Variants in ARPC2 observed in about 807,000 individuals in gnomAD.
The protein encoded by ARPC2 is actin-related protein 2/3 complex subunit 2.
Under a neutral mutation model 38.6 loss-of-function variants are expected in ARPC2, and 4 were observed. That is an observed-to-expected ratio of 0.10 (90% CI 0.05 to 0.24). The LOEUF (loss-of-function observed/expected upper bound fraction) is 0.24. ARPC2 is among the 10% of genes least tolerant of loss of function. The pLI, the probability that ARPC2 is intolerant of heterozygous loss-of-function variation, is 1.00. For missense variants in ARPC2, 229 were observed against 387.3 expected, an observed-to-expected ratio of 0.59 and a Z score of 3.43; for synonymous variants, 125 against 140.8, an observed-to-expected ratio of 0.89 and a Z score of 0.79.
chr2:218,233,606 C>CT (rs1321331513), intron 4 of ARPC2: 1 of 151,452 alleles, frequency 6.6e-6, no homozygotes, highest in African/African-American at 2.4e-5. Flanking sequence ...TAAGAGCTGG[C>CT]TATGCACTGA....
intron 5 of ARPC2, chr2:218,235,629 G>GA (rs1432550446): frequency 1.3e-5 from 2 of 152,026 alleles, no homozygotes; most frequent in African/African-American, 4.8e-5. Flanking sequence ...ATCTAGAACA[G>GA]AAAAATCATG....
chr2:218,231,240 GGGGTACAAACTGAA>G (rs1270858853), intron 4 of ARPC2, among the ~76,000 whole-genome samples: 4 of 152,038 alleles, frequency 2.6e-5, no homozygotes, highest in African/African-American at 7.2e-5. Context: ...ATTGGGAGAG[GGGGTACAAACTGAA>G]AAGTGAATCA....
intron 7 of ARPC2, among the ~76,000 whole-genome samples, chr2:218,244,162 C>T (rs1239378750): frequency 6.6e-6 from 1 of 152,102 alleles, no homozygotes; most frequent in Non-Finnish European, 1.5e-5. Context: ...ATTTTTCCTT[C>T]GGGGAACAAA....
intron 5 of ARPC2, chr2:218,235,084 A>G (rs115209346): frequency 0.014 from 4,009 of 276,590 alleles, 46 homozygotes; most frequent in Middle Eastern, 0.031. Flanking sequence ...TTACTCAACT[A>G]TTACAACTTT....
rs764219103 is a variant in ARPC2 at position 218,228,748 on chromosome 2, G to A, written c.120G>A (p.Gly40=). 53 of 1,589,278 alleles carry A rather than the reference G, an allele frequency of 3.3e-5. No individual in the cohort carries two copies. Among genetic ancestry groups the A allele is most frequent in the Non-Finnish European group, 4.0e-5 (46 of 1,158,186 alleles). Residue 40 remains glycine (G), a synonymous_variant, in exon 4 of 11, where the codon GGG becomes GGA. Transcript: ENST00000315717. ...TTGCTTTCCTCACAGATTTCGATGG[G>A]GTCCTCTATCATATTTCAAATCCTA... ...AVEVTFADFD[G]VLYHISNPNG...
At position 218,253,984 on chromosome 2, in the gene ARPC2, C is replaced by T; in HGVS notation, c.*69C>T. ...AACACTTGCTACTGGATAATCGTAG[C>T]TTTTAATGTTGCGCCTCTTCAGGTT... On this transcript the variant is annotated 3_prime_UTR_variant, in exon 11 of 11. Transcript: ENST00000315717. 1 of 1,596,630 alleles carries T rather than the reference C, an allele frequency of 6.3e-7. No individual in the cohort carries two copies. The highest frequency in any genetic ancestry group is 8.6e-7 in the Non-Finnish European group (1 of 1,165,736).
chr2:218,232,849 T>TAA (rs1689672507), intron 4 of ARPC2, among the ~76,000 whole-genome samples: 1 of 152,058 alleles, frequency 6.6e-6, no homozygotes. Flanking sequence ...GTGCTGGGAT[T>TAA]ACAGGCATGA....
intron 7 of ARPC2, among the ~76,000 whole-genome samples, chr2:218,244,272 T>G (rs1449843647): frequency 1.3e-5 from 2 of 152,186 alleles, no homozygotes; most frequent in Admixed American, 1.3e-4. Flanking sequence ...GTGAAATAGG[T>G]GAGGTCCCAG....
At chr2:218,232,392 A>C (rs1689656031) in intron 4 of ARPC2, among the ~76,000 whole-genome samples, 1 of 152,200 alleles carries the variant, frequency 6.6e-6, no homozygotes, top group African/African-American at 2.4e-5. Context: ...AGAATACCAC[A>C]GACTGAATAA....
chr2:218,250,804 C>T (rs564069978), intron 10 of ARPC2, among the ~76,000 whole-genome samples: 1 of 152,204 alleles, frequency 6.6e-6, no homozygotes, highest in African/African-American at 2.4e-5. Flanking sequence ...GAAATTCAGG[C>T]AGTCCTGTCC....
chr2:218,248,248 G>T (rs574949318), intron 8 of ARPC2, among the ~76,000 whole-genome samples: 248 of 152,304 alleles, frequency 1.6e-3, no homozygotes, highest in Middle Eastern at 6.8e-3. Context: ...GTCTTCTGTT[G>T]TGGTGTTCAT....
In ARPC2 at chr2:218,243,202, T is replaced by C. The variant is rs554217683; in HGVS notation, c.550-2218T>C. 2.6e-5 allele frequency among the ~76,000 whole-genome samples: 4 copies of C among 152,340 alleles called. No homozygotes were observed. The East Asian group carries it at 7.7e-4, about 29-fold the overall frequency. On this transcript the variant is annotated intron_variant, in intron 7 of 10. Coordinates refer to ENST00000315717, the MANE Select transcript of ARPC2 (RefSeq NM_152862.3). ...GTGGTCCCAGTGGCAATTATTTCCTTTTTTACACCCCTGATTTAAGATGCT... is the reference window on the plus strand; with the variant it reads ...GTGGTCCCAGTGGCAATTATTTCCTCTTTTACACCCCTGATTTAAGATGCT...
chr2:218,243,415 G>A (rs543628433), intron 7 of ARPC2, among the ~76,000 whole-genome samples: 2 of 152,336 alleles, frequency 1.3e-5, no homozygotes, highest in South Asian at 4.1e-4. Context: ...GGCTGTTTGG[G>A]TGTGTTTGTT....
chr2:218,239,313 G>C (rs1027085835), intron 6 of ARPC2, 78 bp from the exon 7 acceptor site: 3 of 994,008 alleles, frequency 3.0e-6, no homozygotes, highest in Non-Finnish European at 4.8e-6. Context: ...TTAGCCTTCT[G>C]ATGTACTTGT....
At chr2:218,231,710 T>G (rs1347784888) in intron 4 of ARPC2, among the ~76,000 whole-genome samples, 1 of 152,230 alleles carries the variant, frequency 6.6e-6, no homozygotes, top group Non-Finnish European at 1.5e-5. Context: ...ACAGGTGGCA[T>G]TATTTATCTT....
At chr2:218,242,391 T>TTC (rs1689936345) in intron 7 of ARPC2, among the ~76,000 whole-genome samples, 1 of 152,218 alleles carries the variant, frequency 6.6e-6, no homozygotes, top group Non-Finnish European at 1.5e-5. Flanking sequence ...CCAGGAAAAG[T>TTC]TAAGTGGAAA....
At chr2:218,241,199 C>A (rs1170152801) in intron 7 of ARPC2, among the ~76,000 whole-genome samples, 1 of 152,198 alleles carries the variant, frequency 6.6e-6, no homozygotes, top group Non-Finnish European at 1.5e-5. Flanking sequence ...TGAAAGACAG[C>A]TGTGCTTAAC....
At chr2:218,248,990 T>C (rs2106159814) in intron 8 of ARPC2, among the ~76,000 whole-genome samples, 1 of 152,360 alleles carries the variant, frequency 6.6e-6, no homozygotes, top group African/African-American at 2.4e-5. Context: ...TCCTGATTCC[T>C]TAAAGTAAAC....
chr2:218,233,758 G>T (rs1689699901), intron 4 of ARPC2: 1 of 152,082 alleles, frequency 6.6e-6, no homozygotes, highest in South Asian at 2.1e-4. Context: ...TTGGAATTTG[G>T]CATCCTTTTG....
Sources: allele counts gnomAD v4.1 joint callset (sites outside exome capture counted in the v4.1 genomes callset), GRCh38; gene constraint gnomAD v4.1.1; transcripts MANE v1.5; gene names NCBI Gene and HGNC (gene_info 2026-07-23, HGNC 2026-07-21).